The following TBC1D19 variants were observed in gnomAD, a reference collection of about 807,000 sequenced individuals.
TBC1D19 encodes the protein TBC1 domain family, member 19.
Under a neutral mutation model 89.0 loss-of-function variants are expected in TBC1D19, and 60 were observed. The observed-to-expected ratio is 0.67, with a 90% CI of 0.55 to 0.84. The LOEUF (loss-of-function observed/expected upper bound fraction) is 0.84, where lower values mean the gene tolerates loss of function less well. Ranked by LOEUF, TBC1D19 falls within the 40% of genes least tolerant of loss-of-function variation. The pLI is 0.00. For synonymous variants in TBC1D19, 189 were observed against 199.7 expected, an observed-to-expected ratio of 0.95 and a Z score of 0.45; for missense variants, 500 against 610.8, an observed-to-expected ratio of 0.82 and a Z score of 1.91.
At chr4:26,594,979 G>A (rs1195310105) in intron 1 of TBC1D19, among the ~76,000 whole-genome samples, 1 of 152,228 alleles carries the variant, frequency 6.6e-6, no homozygotes, top group Non-Finnish European at 1.5e-5. Context: ...TTGATAGATT[G>A]CGTGGTAAGA....
At chr4:26,832,454 T>C in the TBC1D19 span, among the ~76,000 whole-genome samples, 1 of 152,188 alleles carries the variant, frequency 6.6e-6, no homozygotes, top group Admixed American at 6.5e-5. Flanking sequence ...AGTCTACAGC[T>C]CCTTTCCTTT....
chr4:26,736,452 A>C (rs903935948), intron 16 of TBC1D19, among the ~76,000 whole-genome samples: 5 of 149,590 alleles, frequency 3.3e-5, no homozygotes, highest in African/African-American at 1.2e-4. Context: ...CTAGATGACA[A>C]GTTAGTGGGT....
the TBC1D19 span, among the ~76,000 whole-genome samples, chr4:26,805,986 G>A: frequency 6.6e-6 from 1 of 151,822 alleles, no homozygotes; most frequent in Non-Finnish European, 1.5e-5. Flanking sequence ...AAAAGGGAAA[G>A]AAAAAGTATC....
At chr4:26,579,177 A>G (rs1013597251), upstream of TBC1D19, among the ~76,000 whole-genome samples, 1 of 152,234 alleles carries the variant, frequency 6.6e-6, no homozygotes, top group Admixed American at 6.5e-5. Context: ...ACTCTTAAGT[A>G]GTCTATTTGT....
the TBC1D19 span, among the ~76,000 whole-genome samples, chr4:26,777,288 C>A: frequency 6.6e-6 from 1 of 151,888 alleles, no homozygotes; most frequent in South Asian, 2.1e-4. Context: ...GTGCCCGCCA[C>A]CATGCCCCAC....
At chr4:26,620,967 G>A (rs1406863437) in intron 4 of TBC1D19, among the ~76,000 whole-genome samples, 2 of 152,232 alleles carry the variant, frequency 1.3e-5, no homozygotes, top group African/African-American at 2.4e-5. Flanking sequence ...CAAGTGTAAT[G>A]TGGCAATCTA....
chr4:26,673,693 C>A, intron 10 of TBC1D19, 83 bp from the exon 11 acceptor site: 1 of 878,570 alleles, frequency 1.1e-6, no homozygotes, highest in South Asian at 1.4e-5. Context: ...ATATCAGCTT[C>A]CCAAAAGATT....
chr4:26,727,749 C>A (rs1218897606), intron 15 of TBC1D19, among the ~76,000 whole-genome samples: 1 of 152,074 alleles, frequency 6.6e-6, no homozygotes, highest in African/African-American at 2.4e-5. Flanking sequence ...TTATCAAAAG[C>A]CTTCTGTTCT....
In TBC1D19 at chr4:26,576,908, C is replaced by T. The variant is rs1046957861; in HGVS notation, c.6+111C>T. On this transcript the variant is annotated intron_variant, in intron 1 of 12. Transcript: ENST00000512840. ...TGTCAAATTGGCTAGGCTATGGCGC[C>T]CAGTTGTTTGGTCAAACAGTAATCT... 3.2e-4 allele frequency: 144 copies of T among 451,966 alleles called. 1 individual carries two copies. The highest frequency in any genetic ancestry group is 6.1e-4 in the Non-Finnish European group (136 of 223,986). 28.0% of individuals were successfully genotyped at this position (451,966 alleles called of 1,614,324 possible).
the TBC1D19 span, among the ~76,000 whole-genome samples, chr4:26,847,297 C>A: frequency 1.3e-5 from 2 of 152,198 alleles, no homozygotes; most frequent in South Asian, 4.1e-4. Context: ...AAGGCCAATG[C>A]AGGCATGGAA....
the TBC1D19 span, among the ~76,000 whole-genome samples, chr4:26,802,853 TA>T: frequency 6.6e-6 from 1 of 152,212 alleles, no homozygotes; most frequent in Admixed American, 6.5e-5. Context: ...CCCACAGTTC[TA>T]AAAACTGGAA....
the TBC1D19 span, among the ~76,000 whole-genome samples, chr4:26,796,130 C>T: frequency 1.4e-4 from 22 of 152,268 alleles, no homozygotes; most frequent in Non-Finnish European, 2.8e-4. Context: ...TATAATTTGA[C>T]GAGTCCCCTA....
At chr4:26,694,266 G>A (rs548686037) in intron 13 of TBC1D19, among the ~76,000 whole-genome samples, 3 of 152,250 alleles carry the variant, frequency 2.0e-5, no homozygotes, top group Admixed American at 6.5e-5. Context: ...CCCCTGGCTC[G>A]AGGGTCCTAC....
chr4:26,581,593 G>C (rs1033504010), upstream of TBC1D19, among the ~76,000 whole-genome samples: 5 of 152,154 alleles, frequency 3.3e-5, no homozygotes, highest in Non-Finnish European at 7.3e-5. Context: ...GTGTATATGT[G>C]CCACCAGATT....
At chr4:26,725,655 C>T (rs1042165931) in intron 15 of TBC1D19, among the ~76,000 whole-genome samples, 3 of 152,094 alleles carry the variant, frequency 2.0e-5, no homozygotes, top group Admixed American at 6.6e-5. Context: ...TCAAGCAATC[C>T]GCCCACCTCA....
chr4:26,762,264 A>C, the TBC1D19 span, among the ~76,000 whole-genome samples: 1 of 152,226 alleles, frequency 6.6e-6, no homozygotes, highest in Non-Finnish European at 1.5e-5. Flanking sequence ...GCTTCTTAAA[A>C]TTATCCTTTT....
the TBC1D19 span, among the ~76,000 whole-genome samples, chr4:26,837,286 G>A: frequency 6.6e-6 from 1 of 152,312 alleles, no homozygotes; most frequent in South Asian, 2.1e-4. Flanking sequence ...CATAATGGGA[G>A]ATGGGCATGG....
intron 1 of TBC1D19, 149 bp from the exon 2 acceptor site, chr4:26,613,020 C>G (rs994542694): frequency 1.6e-5 from 9 of 575,028 alleles, no homozygotes; most frequent in Middle Eastern, 4.9e-4. Context: ...GTTCTAAGCT[C>G]TATCTTCAAA....
chr4:26,804,751 T>A, the TBC1D19 span, among the ~76,000 whole-genome samples: 3 of 152,208 alleles, frequency 2.0e-5, no homozygotes, highest in East Asian at 5.8e-4. Flanking sequence ...ATTTGAGCGC[T>A]GTGTGCGATA....
Sources: gnomAD v4.1 joint callset for allele counts (sites outside exome capture counted in the v4.1 genomes callset) on GRCh38, gnomAD v4.1.1 for gene constraint, MANE v1.5 for transcripts, NCBI Gene and HGNC (gene_info 2026-07-23, HGNC 2026-07-21) for gene names.